MARCHF1: variants seen among roughly 807,000 people sequenced by gnomAD.
MARCHF1 encodes the protein membrane associated ring-CH-type finger 1.
Under a neutral mutation model 54.2 loss-of-function variants are expected in MARCHF1, and 40 were observed. That is an observed-to-expected ratio of 0.74 (90% CI 0.57 to 0.96). The LOEUF (loss-of-function observed/expected upper bound fraction) is 0.96, where lower values mean the gene tolerates loss of function less well. Ranked by LOEUF, MARCHF1 falls within the 40% of genes least tolerant of loss-of-function variation. The probability of loss-of-function intolerance (pLI) is 0.00; values close to 1 mark genes in which losing one functional copy is unlikely to be tolerated. For missense variants in MARCHF1, 586 were observed against 656.5 expected (o/e 0.89, Z 1.17); for synonymous variants, 236 against 236.3 (o/e 1.00, Z 0.01).
intron 1 of MARCHF1, among the ~76,000 whole-genome samples, chr4:164,261,529 A>C (rs1733464033): frequency 6.6e-6 from 1 of 152,180 alleles, no homozygotes; most frequent in Non-Finnish European, 1.5e-5. Context: ...ACACTTAAGC[A>C]TAGCTCTAAA....
chr4:163,721,254 G>A (rs948400642), intron 4 of MARCHF1, among the ~76,000 whole-genome samples: 8 of 152,124 alleles, frequency 5.3e-5, no homozygotes, highest in Admixed American at 3.9e-4. Context: ...GTTGAATTTT[G>A]TCAAAGGTCT....
intron 1 of MARCHF1, among the ~76,000 whole-genome samples, chr4:164,242,665 T>C (rs547164051): frequency 7.2e-5 from 11 of 152,230 alleles, no homozygotes; most frequent in Admixed American, 2.6e-4. Context: ...AGGTTTCAGA[T>C]GATCAAATTA....
intron 1 of MARCHF1, among the ~76,000 whole-genome samples, chr4:164,145,232 T>C (rs374551175): frequency 1.2e-4 from 19 of 152,136 alleles, no homozygotes; most frequent in Admixed American, 3.3e-4. Context: ...CAGCCGAATT[T>C]TACCAGAGGT....
chr4:163,928,016 G>T (rs1751574624), intron 3 of MARCHF1, among the ~76,000 whole-genome samples: 1 of 151,542 alleles, frequency 6.6e-6, no homozygotes, highest in Non-Finnish European at 1.5e-5. Flanking sequence ...GCCCACTTCT[G>T]AATTAGGCAT....
chr4:163,872,936 C>T (rs1017152496), intron 3 of MARCHF1, among the ~76,000 whole-genome samples: 50 of 151,808 alleles, frequency 3.3e-4, no homozygotes, highest in Non-Finnish European at 4.7e-4. Flanking sequence ...CCCAGCTACT[C>T]GGGAGGCTGA....
At chr4:164,367,607 T>C (rs1730911116) in intron 1 of MARCHF1, among the ~76,000 whole-genome samples, 1 of 109,278 alleles carries the variant, frequency 9.2e-6, no homozygotes, top group African/African-American at 2.8e-5. Context: ...ATTCACTTGG[T>C]AGGAATGACT....
intron 3 of MARCHF1, among the ~76,000 whole-genome samples, chr4:163,892,158 G>A (rs908706916): frequency 1.3e-5 from 2 of 152,052 alleles, no homozygotes; most frequent in Non-Finnish European, 2.9e-5. Flanking sequence ...CAAAGGTGAA[G>A]GAAAATAAAG....
intron 1 of MARCHF1, among the ~76,000 whole-genome samples, chr4:164,375,521 C>A (rs185729623): frequency 1.0e-3 from 157 of 152,216 alleles, no homozygotes; most frequent in African/African-American, 3.7e-3. Flanking sequence ...AATGATAACT[C>A]CTACAACTTT....
At chr4:164,004,526 G>A (rs986074773) in intron 2 of MARCHF1, among the ~76,000 whole-genome samples, 6 of 151,784 alleles carry the variant, frequency 4.0e-5, no homozygotes, top group African/African-American at 1.2e-4. Context: ...TCCACCCAAT[G>A]ACTGCAGAAT....
intron 2 of MARCHF1, among the ~76,000 whole-genome samples, chr4:163,999,804 A>C (rs1753151323): frequency 6.6e-6 from 1 of 151,732 alleles, no homozygotes; most frequent in Non-Finnish European, 1.5e-5. Context: ...GTTCCCCAAC[A>C]CAATCTTCCT....
At chr4:163,952,514 C>T (rs1411458617) in intron 3 of MARCHF1, among the ~76,000 whole-genome samples, 2 of 152,046 alleles carry the variant, frequency 1.3e-5, no homozygotes, top group African/African-American at 4.8e-5. Flanking sequence ...TTGTGGATTG[C>T]GTTTCTCAGC....
At chr4:164,256,150 A>G (rs1579665262) in intron 1 of MARCHF1, among the ~76,000 whole-genome samples, 1 of 152,160 alleles carries the variant, frequency 6.6e-6, no homozygotes, top group East Asian at 1.9e-4. Context: ...TAAAAGAAAA[A>G]TACGTTTAAA....
intron 1 of MARCHF1, among the ~76,000 whole-genome samples, chr4:164,138,386 T>A (rs548886628): frequency 1.3e-5 from 2 of 151,824 alleles, no homozygotes; most frequent in Admixed American, 1.3e-4. Flanking sequence ...ATTTCAAGAG[T>A]CAGTGAGCCA....
chr4:164,362,421 G>A (rs1377543543), intron 1 of MARCHF1, among the ~76,000 whole-genome samples: 2 of 151,992 alleles, frequency 1.3e-5, no homozygotes, highest in African/African-American at 4.8e-5. Context: ...TGAGTCCAGG[G>A]GGTACATGAT....
At chr4:163,814,111 T>G (rs1287863819) in intron 4 of MARCHF1, among the ~76,000 whole-genome samples, 1 of 152,090 alleles carries the variant, frequency 6.6e-6, no homozygotes, top group Non-Finnish European at 1.5e-5. Context: ...CTCCATTATC[T>G]CAAGTAGCAG....
chr4:164,371,618 A>C (rs1230125656), intron 1 of MARCHF1, among the ~76,000 whole-genome samples: 1 of 152,202 alleles, frequency 6.6e-6, no homozygotes, highest in African/African-American at 2.4e-5. Context: ...ACTTAAGTGA[A>C]GTCTTATATA....
chr4:164,382,371 C>T (rs1279670604), intron 1 of MARCHF1, among the ~76,000 whole-genome samples: 1 of 152,028 alleles, frequency 6.6e-6, no homozygotes, highest in African/African-American at 2.4e-5. Context: ...TAAAATAACC[C>T]TTTGAATTAT....
intron 4 of MARCHF1, among the ~76,000 whole-genome samples, chr4:163,746,628 T>G (rs113005914): frequency 5.5e-4 from 84 of 152,354 alleles, no homozygotes; most frequent in African/African-American, 1.9e-3. Flanking sequence ...ATTCCTGCAG[T>G]ATCCTGTTCG....
chr4:163,624,356 C>T (rs960059537), intron 5 of MARCHF1, among the ~76,000 whole-genome samples: 1 of 152,200 alleles, frequency 6.6e-6, no homozygotes, highest in African/African-American at 2.4e-5. Context: ...GCGGTCAATT[C>T]TTGGAGAGCT....
Sources: gnomAD v4.1 joint callset for allele counts (sites outside exome capture counted in the v4.1 genomes callset) on GRCh38, gnomAD v4.1.1 for gene constraint, MANE v1.5 for transcripts, NCBI Gene and HGNC (gene_info 2026-07-23, HGNC 2026-07-21) for gene names.